SYT12: variants seen among roughly 807,000 people sequenced by gnomAD.
The protein encoded by SYT12 is synaptotagmin 12.
Under a neutral mutation model 39.5 loss-of-function variants are expected in SYT12, and 27 were observed. The ratio of observed to expected loss-of-function variants is 0.68; its 90% CI spans 0.50 to 0.94. The LOEUF (loss-of-function observed/expected upper bound fraction) is 0.94, where lower values mean the gene tolerates loss of function less well. Ranked by LOEUF, SYT12 falls within the 40% of genes least tolerant of loss-of-function variation. The pLI is 0.00. For synonymous variants in SYT12, 233 were observed against 239.7 expected (o/e 0.97, Z 0.26); for missense variants, 536 against 572.6 (o/e 0.94, Z 0.65).
At chr11:67,020,459 A>G (rs1014913503), upstream of SYT12, among the ~76,000 whole-genome samples, 1 of 152,240 alleles carries the variant, frequency 6.6e-6, no homozygotes, top group Non-Finnish European at 1.5e-5. Context: ...GTACAGAAGC[A>G]TATCACACAT....
intron 2 of SYT12, chr11:67,030,719 T>C (rs1010929496): frequency 2.0e-5 from 3 of 152,520 alleles, no homozygotes; most frequent in Non-Finnish European, 2.9e-5. Context: ...TCCAGGGCCA[T>C]GGCTCCCACC....
chr11:67,013,967 A>T (rs993674776), intron 3 of SYT12, among the ~76,000 whole-genome samples: 1 of 152,076 alleles, frequency 6.6e-6, no homozygotes, highest in Non-Finnish European at 1.5e-5. Flanking sequence ...GCAACCCTTG[A>T]TATTCCTTGG....
chr11:67,048,893 G>C lies in SYT12; in HGVS notation c.*136G>C. 9.7e-7 allele frequency: 1 copy of C among 1,027,572 alleles called. No individual in the cohort carries two copies. Among genetic ancestry groups the C allele is most frequent in the Non-Finnish European group, 1.4e-6 (1 of 716,034 alleles). 63.7% of individuals were successfully genotyped at this position (1,027,572 alleles called of 1,614,324 possible). A position where few individuals can be genotyped will look rare whatever the true frequency, so the allele number is the denominator to read the frequency against. ...TGGCAGAGTCCTCATGACCCATCCTGGTCTCTCTGTCCAGATTGCAGCAGA... is the reference window on the plus strand; with the variant it reads ...TGGCAGAGTCCTCATGACCCATCCTCGTCTCTCTGTCCAGATTGCAGCAGA... On this transcript the variant is annotated 3_prime_UTR_variant, in exon 8 of 8. Transcript: ENST00000527043.
chr11:67,030,672 G>A (rs1950247652), intron 2 of SYT12: 1 of 153,392 alleles, frequency 6.5e-6, no homozygotes, highest in Non-Finnish European at 1.5e-5. Context: ...AACAGAGTGA[G>A]ACTCCGTCTC....
intron 3 of SYT12, among the ~76,000 whole-genome samples, chr11:67,037,864 A>G (rs922622529): frequency 1.3e-5 from 2 of 149,834 alleles, no homozygotes; most frequent in African/African-American, 4.9e-5. Context: ...CCTGGGCGAC[A>G]GAGCGAGGCT....
chr11:67,040,428 C>T (rs999968478), intron 4 of SYT12, among the ~76,000 whole-genome samples: 1 of 152,134 alleles, frequency 6.6e-6, no homozygotes, highest in African/African-American at 2.4e-5. Context: ...CTTAGCGGTC[C>T]CACCAGGTGA....
chr11:67,043,379 G>A (rs1211850498), intron 4 of SYT12, among the ~76,000 whole-genome samples: 1 of 152,202 alleles, frequency 6.6e-6, no homozygotes, highest in Non-Finnish European at 1.5e-5. Flanking sequence ...GGGGTGCCAC[G>A]GGCACTGAGG....
intron 3 of SYT12, among the ~76,000 whole-genome samples, chr11:67,037,883 GAAAA>G (rs760091548): frequency 3.1e-4 from 28 of 90,432 alleles, no homozygotes; most frequent in Admixed American, 1.3e-3. Flanking sequence ...CTCCCCCTCA[GAAAA>G]AAAAAAAAAG....
chr11:67,044,536 C>G, intron 5 of SYT12, 57 bp from the exon 6 acceptor site: 1 of 1,587,360 alleles, frequency 6.3e-7, no homozygotes, highest in Non-Finnish European at 8.6e-7. Context: ...AAGGCTTTCC[C>G]TGGACCCCTC....
In SYT12 at chr11:67,048,643, G is replaced by A. The variant is rs577603609; in HGVS notation, c.1152G>A (p.Val384=). ...GCAGCGACGGCCGTGGGGACAACGTGGGCCATGTCATCATTGGGCCGTCAG... is the reference window on the plus strand; with the variant it reads ...GCAGCGACGGCCGTGGGGACAACGTAGGCCATGTCATCATTGGGCCGTCAG... ...ESSSDGRGDN[V]GHVIIGPSAS... is the part of the protein sequence containing the mutation. The change falls in exon 8 of 8, where the codon GTG becomes GTA. Residue 384 remains valine, a synonymous_variant. Coordinates refer to ENST00000527043, the MANE Select transcript of SYT12 (RefSeq NM_177963.4). 6.2e-7 allele frequency: 1 copy of A among 1,612,772 alleles called. No individual in the cohort carries two copies. Among genetic ancestry groups the A allele is most frequent in the African/African-American group, 1.3e-5 (1 of 75,062 alleles).
intron 5 of SYT12, 127 bp downstream of exon 5, chr11:67,043,980 A>G: frequency 1.1e-6 from 1 of 919,300 alleles, no homozygotes; most frequent in Non-Finnish European, 1.6e-6. Context: ...GAGAGCAGAG[A>G]AGAAGACCTG....
chr11:67,012,335 C>T (rs374442401), intron 3 of SYT12, among the ~76,000 whole-genome samples: 2 of 152,162 alleles, frequency 1.3e-5, no homozygotes, highest in East Asian at 2.0e-4. Context: ...TGCACCACTG[C>T]ACTCCAGCCT....
chr11:67,008,449 C>T (rs973506526), intron 1 of SYT12, among the ~76,000 whole-genome samples: 2 of 151,890 alleles, frequency 1.3e-5, no homozygotes, highest in Non-Finnish European at 2.9e-5. Flanking sequence ...AGTGCAGTGT[C>T]GTGATCATAG....
chr11:67,012,277 A>G (rs1005599948), intron 3 of SYT12, among the ~76,000 whole-genome samples: 7 of 152,052 alleles, frequency 4.6e-5, no homozygotes, highest in Admixed American at 1.3e-4. Context: ...AGGCTGAGGC[A>G]GGAGAATCGC....
chr11:67,035,779 C>G (rs1339405455), intron 3 of SYT12, among the ~76,000 whole-genome samples: 1 of 142,740 alleles, frequency 7.0e-6, no homozygotes, highest in African/African-American at 2.7e-5. Flanking sequence ...CTTTTCTTTT[C>G]TTTTCTTTTC....
rs985664236 is a variant in SYT12, at chr11:67,030,327, G to A, written c.34+149G>A. On this transcript the variant is annotated intron_variant, in intron 2 of 7. Transcript: ENST00000527043. The stretch of plus-strand genomic sequence containing the variant: ...ACAGTCAGTGACTTGCCCAAGGTCA[G>A]ACAGCCCGCCCTGGGGACATCAAGC... The A allele has an allele frequency of 1.6e-5, 14 of 852,526 alleles. No individual in the cohort carries two copies. In the African/African-American group the frequency reaches 1.9e-4, roughly 11 times the overall value. The allele number at this position is 852,526 out of a possible 1,614,324, so 52.8% of individuals were successfully genotyped here. A position where few individuals can be genotyped will look rare whatever the true frequency, so the allele number is the denominator to read the frequency against.
At chr11:67,006,772 C>T (rs1949973622), upstream of SYT12, 1 of 152,086 alleles carries the variant, frequency 6.6e-6, no homozygotes, top group African/African-American at 2.4e-5. Context: ...GACACTGGCT[C>T]AGGTTGAAGT....
At chr11:67,037,549 A>AAAATAAAT (rs34631289) in intron 3 of SYT12, among the ~76,000 whole-genome samples, 7,526 of 145,794 alleles carry the variant, frequency 0.052, 402 homozygotes, top group African/African-American at 0.13. Context: ...CATCTCTACC[A>AAAATAAAT]AAATAAATAA....
At chr11:67,037,490 C>T (rs1950403482) in intron 3 of SYT12, among the ~76,000 whole-genome samples, 1 of 151,536 alleles carries the variant, frequency 6.6e-6, no homozygotes, top group Non-Finnish European at 1.5e-5. Flanking sequence ...GCAGAAGGAT[C>T]GCTTGAGCCC....
Sources: allele counts gnomAD v4.1 joint callset (sites outside exome capture counted in the v4.1 genomes callset), GRCh38; gene constraint gnomAD v4.1.1; transcripts MANE v1.5; gene names NCBI Gene and HGNC (gene_info 2026-07-23, HGNC 2026-07-21).